The following FAAH2 variants were observed in gnomAD, a reference collection of about 807,000 sequenced individuals.
The protein encoded by FAAH2 is fatty acid amide hydrolase 2.
FAAH2 carries 60 observed loss-of-function variants against 36.9 expected under a neutral mutation model. The ratio of observed to expected loss-of-function variants is 1.63; its 90% CI spans 1.32 to 2.02. The LOEUF (loss-of-function observed/expected upper bound fraction) is 2.02, where lower values mean the gene tolerates loss of function less well. FAAH2 is among the 30% of genes most tolerant of loss of function. The pLI is 0.00. For synonymous variants in FAAH2, 214 were observed against 143.8 expected, an observed-to-expected ratio of 1.49 and a Z score of -3.49; for missense variants, 689 against 397.5, an observed-to-expected ratio of 1.73 and a Z score of -6.23.
the FAAH2 span, among the ~76,000 whole-genome samples, chrX:57,152,793 G>A: frequency 2.7e-5 from 3 of 111,188 alleles, no homozygotes; most frequent in South Asian, 1.2e-3. Context: ...CCACTGTCTG[G>A]CACTCCCTAG....
chrX:57,244,958 C>A, the FAAH2 span, among the ~76,000 whole-genome samples: 1 of 111,142 alleles, frequency 9.0e-6, no homozygotes, highest in South Asian at 3.9e-4. Flanking sequence ...AGTCAAAACC[C>A]ATTGGTGTGC....
the FAAH2 span, among the ~76,000 whole-genome samples, chrX:57,228,226 C>T: frequency 9.0e-6 from 1 of 111,670 alleles, no homozygotes; most frequent in Non-Finnish European, 1.9e-5. Flanking sequence ...TGGAGTTTTA[C>T]CCCCTGCTCC....
At chrX:57,440,059 G>A (rs1269140634) in intron 8 of FAAH2, among the ~76,000 whole-genome samples, 3 of 111,446 alleles carry the variant, frequency 2.7e-5, no homozygotes, top group East Asian at 5.7e-4. Context: ...TTGTTCTTTT[G>A]GCTTAGGATT....
At chrX:57,158,789 C>T in the FAAH2 span, among the ~76,000 whole-genome samples, 21 of 111,846 alleles carry the variant, frequency 1.9e-4, no homozygotes, top group African/African-American at 5.5e-4. Context: ...TCCCATTCTG[C>T]AGGTTGCCTA....
At chrX:57,193,237 GAA>G in the FAAH2 span, among the ~76,000 whole-genome samples, 1 of 111,548 alleles carries the variant, frequency 9.0e-6, no homozygotes, top group African/African-American at 3.3e-5. Flanking sequence ...TTCTATGGTC[GAA>G]ACTGTAGGGA....
At chrX:57,263,459 T>G in the FAAH2 span, among the ~76,000 whole-genome samples, 1 of 111,640 alleles carries the variant, frequency 9.0e-6, no homozygotes, top group Non-Finnish European at 1.9e-5. Flanking sequence ...TCTAAATAAA[T>G]AAAGAGATAT....
At chrX:57,426,361 A>G (rs546981489) in intron 7 of FAAH2, among the ~76,000 whole-genome samples, 2 of 111,969 alleles carry the variant, frequency 1.8e-5, no homozygotes, top group African/African-American at 6.5e-5. Context: ...TCAAGCCAGA[A>G]AAAGGAAAAA....
At chrX:57,322,150 C>T (rs1398153132) in intron 3 of FAAH2, among the ~76,000 whole-genome samples, 1 of 111,265 alleles carries the variant, frequency 9.0e-6, no homozygotes, top group African/African-American at 3.3e-5. Flanking sequence ...CTACAGGCAT[C>T]CGCCACCGCG....
chrX:57,166,758 TATC>T, the FAAH2 span, among the ~76,000 whole-genome samples: 1 of 111,900 alleles, frequency 8.9e-6, no homozygotes, highest in East Asian at 2.8e-4. Context: ...CACCCTATCA[TATC>T]ATATTGAGTT....
chrX:57,153,578 C>G, the FAAH2 span, among the ~76,000 whole-genome samples: 1 of 111,961 alleles, frequency 8.9e-6, no homozygotes, highest in African/African-American at 3.2e-5. Flanking sequence ...ATTCTCTCAG[C>G]TTTTGTTTGT....
intron 7 of FAAH2, among the ~76,000 whole-genome samples, chrX:57,396,306 A>G (rs1419426556): frequency 9.2e-6 from 1 of 109,078 alleles, no homozygotes; most frequent in African/African-American, 3.3e-5. Context: ...TAATTATTTT[A>G]ATCTTAATTT....
intron 8 of FAAH2, among the ~76,000 whole-genome samples, chrX:57,434,285 C>T (rs2056365251): frequency 1.8e-5 from 2 of 108,484 alleles, no homozygotes; most frequent in African/African-American, 6.7e-5. Context: ...CATTTTTGGC[C>T]AGGCTAGTCT....
chrX:57,318,439 C>T (rs979440523), intron 3 of FAAH2, among the ~76,000 whole-genome samples: 1 of 111,468 alleles, frequency 9.0e-6, no homozygotes, highest in Non-Finnish European at 1.9e-5. Context: ...AATTCCTGGA[C>T]AGATAAATCC....
At chrX:57,422,530 C>G (rs2056062918) in intron 7 of FAAH2, among the ~76,000 whole-genome samples, 1 of 111,896 alleles carries the variant, frequency 8.9e-6, no homozygotes, top group African/African-American at 3.2e-5. Context: ...GAAATAATCG[C>G]AAGATGGTTT....
chrX:57,453,226 G>A (rs2056814389), intron 10 of FAAH2, among the ~76,000 whole-genome samples: 1 of 112,438 alleles, frequency 8.9e-6, no homozygotes, highest in African/African-American at 3.2e-5. Flanking sequence ...AAAATTCACA[G>A]CAACGTACCC....
the FAAH2 span, among the ~76,000 whole-genome samples, chrX:57,253,718 T>C: frequency 1.8e-5 from 2 of 111,065 alleles, no homozygotes; most frequent in African/African-American, 3.3e-5. Context: ...AAACTAATGG[T>C]GAGAGATTTT....
At chrX:57,394,776 C>A in intron 7 of FAAH2, 1 of 962,057 alleles carries the variant, frequency 1.0e-6, no homozygotes, top group Non-Finnish European at 1.5e-6. Context: ...CGACCAGTTG[C>A]AACCACCAGG....
At chrX:57,324,856 G>A (rs992172320) in intron 3 of FAAH2, among the ~76,000 whole-genome samples, 37 of 111,666 alleles carry the variant, frequency 3.3e-4, no homozygotes, top group Non-Finnish European at 6.4e-4. Flanking sequence ...AATTGCCCTG[G>A]CCATAACTTC....
intron 4 of FAAH2, among the ~76,000 whole-genome samples, chrX:57,336,408 C>T (rs1466994107): frequency 9.0e-6 from 1 of 111,612 alleles, no homozygotes; most frequent in Admixed American, 9.6e-5. Context: ...CTTTATTGCT[C>T]ACAGAAAGCC....
Sources: allele counts gnomAD v4.1 joint callset (sites outside exome capture counted in the v4.1 genomes callset), GRCh38; gene constraint gnomAD v4.1.1; transcripts MANE v1.5; gene names NCBI Gene and HGNC (gene_info 2026-07-23, HGNC 2026-07-21).